ZNF17: variants seen among roughly 807,000 people sequenced by gnomAD.
ZNF17 encodes zinc finger protein 17 (HPF3, KOX 10).
ZNF17 carries 4 observed loss-of-function variants against 7.7 expected under a neutral mutation model. The ratio of observed to expected loss-of-function variants is 0.52; its 90% CI spans 0.26 to 1.20. The LOEUF (loss-of-function observed/expected upper bound fraction) is 1.20, where lower values mean the gene tolerates loss of function less well. ZNF17 is among the 50% of genes most tolerant of loss of function. The pLI is 0.14. For missense variants in ZNF17, 738 were observed against 799.5 expected, an observed-to-expected ratio of 0.92 and a Z score of 0.93; for synonymous variants, 249 against 258.8, an observed-to-expected ratio of 0.96 and a Z score of 0.36.
In ZNF17 at chr19:57,421,291, A is replaced by G. The variant is rs1424326900; in HGVS notation, c.1805A>G (p.His602Arg). 6.2e-7 allele frequency: 1 copy of G among 1,614,142 alleles called. No homozygotes were observed. The highest frequency in any genetic ancestry group is 2.2e-5 in the East Asian group (1 of 44,862). ...FFMDSSTLIS[H>R]ERVHTGEKPY... is the part of the protein sequence containing the mutation. Reference sequence around the variant, plus strand: ...ATGGACAGCTCCACACTCATTAGTCATGAGAGAGTTCATACTGGAGAAAAG... The same window carrying G: ...ATGGACAGCTCCACACTCATTAGTCGTGAGAGAGTTCATACTGGAGAAAAG... The change falls in exon 4 of 4, where the codon CAT (histidine) becomes CGT (arginine). Residue 602 changes from histidine (H) to arginine (R), a missense_variant. Physicochemically the swap from His to Arg is conservative, Grantham distance 29 (BLOSUM62 0). Around this residue, in one of 3 missense-constraint regions of ZNF17, gnomAD observed 116 missense variants for 114.0 expected, o/e 1.02. Transcript: ENST00000307658.
At position 57,411,207 on chromosome 19, in the gene ZNF17, A is replaced by G. The variant is rs2088773449; in HGVS notation, c.-220A>G. ...AATATGGCTGCGTTGGGATCTGTTC[A>G]CCTTCAGGCTGAGTCGAGACTGAGG... On this transcript the variant is annotated 5_prime_UTR_variant, in exon 1 of 4. Coordinates refer to ENST00000307658, the MANE Select transcript of ZNF17 (RefSeq NM_001330617.2). The G allele has an allele frequency of 1.3e-6, 1 of 784,518 alleles. No homozygotes were observed. The highest frequency in any genetic ancestry group is 1.7e-5 in the African/African-American group (1 of 57,182). 48.6% of individuals were successfully genotyped at this position (784,518 alleles called of 1,614,324 possible).
At position 57,420,788 on chromosome 19, in the gene ZNF17, T is replaced by G; in HGVS notation, c.1302T>G (p.His434Gln). 6.2e-7 allele frequency: 1 copy of G among 1,613,922 alleles called. No homozygotes were observed. Among genetic ancestry groups the G allele is most frequent in the Non-Finnish European group, 8.5e-7 (1 of 1,179,972 alleles). ...FFMDTSTLII[H>Q]QRVHTGEKPY... ...TGGACACTTCCACACTCATTATTCA[T>G]CAGAGAGTTCATACTGGAGAAAAGC... is the stretch of plus-strand genomic sequence containing the variant. The change falls in exon 4 of 4, where the codon CAT becomes CAG. Residue 434 changes from histidine to glutamine, a missense_variant. This residue lies in a region of ZNF17 where 616 missense variants were observed against 663.9 expected (regional missense o/e 0.93). Coordinates refer to ENST00000307658, the MANE Select transcript of ZNF17 (RefSeq NM_001330617.2).
chr19:57,420,312 T>C lies in ZNF17; in HGVS notation c.826T>C (p.Tyr276His). ...HQKIHTGERP[Y>H]ECSECGKAFL... ...GAAAATTCACACTGGAGAAAGGCCT[T>C]ATGAGTGCAGTGAATGTGGGAAAGC... is the stretch of plus-strand genomic sequence containing the variant. Residue 276 changes from tyrosine (Y) to histidine (H), a missense_variant, in exon 4 of 4, where the codon TAT becomes CAT. Around this residue, in one of 3 missense-constraint regions of ZNF17, gnomAD observed 616 missense variants for 663.9 expected, o/e 0.93. Transcript: ENST00000307658. 6.2e-7 allele frequency: 1 copy of C among 1,614,190 alleles called. No individual in the cohort carries two copies. The highest frequency in any genetic ancestry group is 1.1e-5 in the South Asian group (1 of 91,086).
chr19:57,415,076 A>C (rs1415886954), intron 2 of ZNF17, among the ~76,000 whole-genome samples: 4 of 152,168 alleles, frequency 2.6e-5, no homozygotes, highest in Non-Finnish European at 4.4e-5. Flanking sequence ...AGAGTTAGGG[A>C]AGAACCAAGG....
chr19:57,412,729 C>T (rs1362713146), intron 1 of ZNF17, among the ~76,000 whole-genome samples: 1 of 152,168 alleles, frequency 6.6e-6, no homozygotes, highest in Non-Finnish European at 1.5e-5. Context: ...CAGGCATGAG[C>T]CACCGCGCCC....
chr19:57,413,501 CTT>C, intron 1 of ZNF17, 93 bp from the exon 2 acceptor site: 10 of 1,367,354 alleles, frequency 7.3e-6, no homozygotes, highest in Non-Finnish European at 1.0e-5. Context: ...CCTCAGATAA[CTT>C]TGCTCTAGTT....
chr19:57,419,477 C>T (rs1047243150), intron 3 of ZNF17, 158 bp from the exon 4 acceptor site: 19 of 730,254 alleles, frequency 2.6e-5, no homozygotes, highest in Admixed American at 2.1e-4. Context: ...CTGTCAGTCC[C>T]GGTTCTGCCC....
intron 2 of ZNF17, 43 bp from the exon 3 acceptor site, chr19:57,417,869 A>G (rs770374454): frequency 1.0e-5 from 16 of 1,587,424 alleles, no homozygotes; most frequent in South Asian, 1.2e-5. Flanking sequence ...AAAAGAAAGA[A>G]AAAAAAAGTT....
At chr19:57,417,484 T>C (rs1368685461) in intron 2 of ZNF17, among the ~76,000 whole-genome samples, 1 of 152,200 alleles carries the variant, frequency 6.6e-6, no homozygotes, top group Non-Finnish European at 1.5e-5. Context: ...GTTAAAATGC[T>C]GGTTGTTATT....
chr19:57,416,094 T>A (rs1475607634), intron 2 of ZNF17, among the ~76,000 whole-genome samples: 1 of 151,974 alleles, frequency 6.6e-6, no homozygotes, highest in African/African-American at 2.4e-5. Flanking sequence ...CAAGAATATG[T>A]GGGTTTGGAA....
chr19:57,416,328 T>G (rs2123065471), intron 2 of ZNF17, among the ~76,000 whole-genome samples: 1 of 152,080 alleles, frequency 6.6e-6, no homozygotes, highest in South Asian at 2.1e-4. Flanking sequence ...GTTGGATACA[T>G]GAGGGAGGTG....
chr19:57,416,672 G>A (rs2123065941), intron 2 of ZNF17, among the ~76,000 whole-genome samples: 1 of 152,198 alleles, frequency 6.6e-6, no homozygotes, highest in East Asian at 1.9e-4. Flanking sequence ...ACCATGCCCG[G>A]CTAATTTTTG....
At chr19:57,412,145 G>A (rs1415332191) in intron 1 of ZNF17, among the ~76,000 whole-genome samples, 1 of 152,190 alleles carries the variant, frequency 6.6e-6, no homozygotes, top group African/African-American at 2.4e-5. Flanking sequence ...CAAAAACGGA[G>A]TTCTGAATGG....
At chr19:57,413,375 A>G in intron 1 of ZNF17, 3 of 551,364 alleles carry the variant, frequency 5.4e-6, no homozygotes, top group African/African-American at 1.9e-5. Flanking sequence ...TTTGATGCCC[A>G]TATAAGCCCT....
At chr19:57,412,138 A>C (rs992407571) in intron 1 of ZNF17, among the ~76,000 whole-genome samples, 13 of 152,140 alleles carry the variant, frequency 8.5e-5, no homozygotes, top group Non-Finnish European at 1.9e-4. Flanking sequence ...ATATCTGCAA[A>C]AACGGAGTTC....
intron 1 of ZNF17, 151 bp from the exon 2 acceptor site, chr19:57,413,445 G>A (rs1326813098): frequency 2.8e-6 from 2 of 725,182 alleles, no homozygotes; most frequent in Admixed American, 4.8e-5. Flanking sequence ...ACTTAAGGAA[G>A]TTCAGTCCTC....
At chr19:57,419,541 G>T in intron 3 of ZNF17, 94 bp from the exon 4 acceptor site, 1 of 1,340,448 alleles carries the variant, frequency 7.5e-7, no homozygotes, top group South Asian at 1.4e-5. Context: ...CCAATCCCAT[G>T]GTCTTATTTG....
intron 1 of ZNF17, 81 bp downstream of exon 1, chr19:57,411,487 C>T (rs1423345019): frequency 1.9e-6 from 3 of 1,559,264 alleles, no homozygotes; most frequent in South Asian, 2.3e-5. Context: ...GCAGGTCAGG[C>T]CCCTGTGTCC....
rs749684687 is a variant in ZNF17 at position 57,411,379 on chromosome 19, G to A, written c.-48G>A. On this transcript the variant is annotated 5_prime_UTR_variant, in exon 1 of 4. Transcript: ENST00000307658. Reference sequence around the variant, plus strand: ...CCCGCTCTTCCCTGGCTGTGCTGGCGGAGGCTGCGCCGATGAACCTGACTG... The same window carrying A: ...CCCGCTCTTCCCTGGCTGTGCTGGCAGAGGCTGCGCCGATGAACCTGACTG... The A allele has an allele frequency of 3.7e-6, 6 of 1,612,528 alleles. No individual in the cohort carries two copies. In the South Asian group the frequency reaches 6.6e-5, roughly 18 times the overall value.
Sources: gnomAD v4.1 joint callset for allele counts (sites outside exome capture counted in the v4.1 genomes callset) on GRCh38, gnomAD v4.1.1 for gene constraint, gnomAD v4.1.1 regional missense constraint, MANE v1.5 for transcripts, NCBI Gene and HGNC (gene_info 2026-07-23, HGNC 2026-07-21) for gene names.